Variants in GRID2 observed in about 807,000 individuals in gnomAD.
The protein encoded by GRID2 is glutamate ionotropic receptor delta type subunit 2, also known as glutamate receptor ionotropic, delta-2.
GRID2 carries 33 observed loss-of-function variants against 114.8 expected under a neutral mutation model. The ratio of observed to expected loss-of-function variants is 0.29; its 90% CI spans 0.22 to 0.38. The LOEUF is 0.38. Among genes scored for constraint, GRID2 ranks in the 10% least tolerant of loss-of-function variants. The pLI is 1.00. For synonymous variants in GRID2, 505 were observed against 449.9 expected (o/e 1.12, Z -1.55); for missense variants, 1,184 against 1,257.7 (o/e 0.94, Z 0.89).
chr4:93,557,239 C>A (rs1276014227), intron 13 of GRID2, among the ~76,000 whole-genome samples: 1 of 152,148 alleles, frequency 6.6e-6, no homozygotes, highest in Non-Finnish European at 1.5e-5. Context: ...TCACACATAA[C>A]AATATTAACC....
At chr4:93,163,459 T>G (rs1737950548) in intron 4 of GRID2, among the ~76,000 whole-genome samples, 2 of 146,500 alleles carry the variant, frequency 1.4e-5, no homozygotes, top group African/African-American at 5.0e-5. Flanking sequence ...AGACGAGGTC[T>G]TGCCATCTTG....
At chr4:93,735,707 A>T (rs775973070) in intron 14 of GRID2, among the ~76,000 whole-genome samples, 4 of 152,038 alleles carry the variant, frequency 2.6e-5, no homozygotes, top group Non-Finnish European at 5.9e-5. Flanking sequence ...TCAATAAAAT[A>T]ATGTTTTCTT....
chr4:93,300,180 G>A (rs902100822), intron 8 of GRID2, among the ~76,000 whole-genome samples: 2 of 152,056 alleles, frequency 1.3e-5, no homozygotes, highest in African/African-American at 4.8e-5. Context: ...CCTGGGTTAA[G>A]TGATCATCTC....
chr4:92,589,966 A>C (rs1387434743), intron 1 of GRID2, among the ~76,000 whole-genome samples, 165 bp from the exon 2 acceptor site: 1 of 152,216 alleles, frequency 6.6e-6, no homozygotes, highest in Non-Finnish European at 1.5e-5. Flanking sequence ...ATTCCTTCTC[A>C]GCTATTACAC....
chr4:93,169,733 G>T (rs1406276401), intron 4 of GRID2, among the ~76,000 whole-genome samples: 1 of 152,200 alleles, frequency 6.6e-6, no homozygotes, highest in African/African-American at 2.4e-5. Flanking sequence ...ATAGCTTATT[G>T]TGGCTTGAGC....
At chr4:92,760,819 C>CT (rs1737972777) in intron 2 of GRID2, among the ~76,000 whole-genome samples, 1 of 151,994 alleles carries the variant, frequency 6.6e-6, no homozygotes, top group South Asian at 2.1e-4. Flanking sequence ...GCATGTTGGG[C>CT]TTTATTTGTT....
chr4:92,627,743 C>T (rs1466193778), intron 2 of GRID2, among the ~76,000 whole-genome samples: 2 of 152,098 alleles, frequency 1.3e-5, no homozygotes, highest in Non-Finnish European at 2.9e-5. Flanking sequence ...TGAAATATCA[C>T]CTTGAGCAGC....
At chr4:93,332,826 C>A (rs1352033067) in intron 8 of GRID2, among the ~76,000 whole-genome samples, 1 of 152,058 alleles carries the variant, frequency 6.6e-6, no homozygotes, top group African/African-American at 2.4e-5. Context: ...TAATGAGACG[C>A]CTTTCTTTAT....
At chr4:93,133,510 TTAAC>T (rs763520260) in intron 4 of GRID2, among the ~76,000 whole-genome samples, 5 of 152,352 alleles carry the variant, frequency 3.3e-5, no homozygotes, top group Admixed American at 2.6e-4. Flanking sequence ...AAAGACTTCA[TTAAC>T]TAATCTGTTT....
chr4:93,322,893 G>A (rs1276018553), intron 8 of GRID2, among the ~76,000 whole-genome samples: 1 of 152,072 alleles, frequency 6.6e-6, no homozygotes, highest in Non-Finnish European at 1.5e-5. Flanking sequence ...TAATGGGGTT[G>A]TTTGTTTTTT....
chr4:93,084,461 A>G (rs1268224717), intron 2 of GRID2, among the ~76,000 whole-genome samples: 2 of 152,180 alleles, frequency 1.3e-5, no homozygotes, highest in Non-Finnish European at 2.9e-5. Context: ...GGGCAATGTC[A>G]TCAAGTTTTT....
chr4:92,403,027 A>T (rs1167989711), intron 1 of GRID2, among the ~76,000 whole-genome samples: 1 of 152,136 alleles, frequency 6.6e-6, no homozygotes, highest in African/African-American at 2.4e-5. Context: ...GTAGTTTTTC[A>T]TATGAAGAAG....
intron 5 of GRID2, among the ~76,000 whole-genome samples, chr4:93,212,058 G>T (rs1473516439): frequency 6.9e-6 from 1 of 144,830 alleles, no homozygotes; most frequent in African/African-American, 2.5e-5. Flanking sequence ...TTCTATAAAA[G>T]AAAAAAAAAA....
rs545304250 is a variant in GRID2, at chr4:93,631,825, C to T, written c.2360+5390C>T. On this transcript the variant is annotated intron_variant, in intron 14 of 15. Transcript: ENST00000282020. Reference sequence around the variant, plus strand: ...CACAATGATTGTACTAGTTTACAGTCCCACCAACAGTGTAAAAGTGTTCCT... The same window carrying T: ...CACAATGATTGTACTAGTTTACAGTTCCACCAACAGTGTAAAAGTGTTCCT... 4.6e-5 allele frequency among the ~76,000 whole-genome samples: 7 copies of T among 152,308 alleles called. No homozygotes were observed. In the East Asian group the frequency reaches 1.3e-3, roughly 29 times the overall value.
At chr4:92,355,053 G>A (rs772981111) in intron 1 of GRID2, among the ~76,000 whole-genome samples, 7 of 151,818 alleles carry the variant, frequency 4.6e-5, no homozygotes, top group African/African-American at 7.3e-5. Context: ...CACTCATGGC[G>A]ACTCCTCCTC....
chr4:93,518,060 A>G (rs1481615610), intron 13 of GRID2, among the ~76,000 whole-genome samples: 2 of 125,894 alleles, frequency 1.6e-5, no homozygotes, highest in African/African-American at 3.5e-5. Flanking sequence ...CTATATATGT[A>G]TATAGTATAT....
chr4:93,426,964 T>C (rs1768911191), intron 10 of GRID2, among the ~76,000 whole-genome samples: 1 of 151,886 alleles, frequency 6.6e-6, no homozygotes, highest in East Asian at 1.9e-4. Flanking sequence ...AAAAAAGACT[T>C]AGTTGGAGTA....
chr4:93,107,641 C>T (rs1315416115), intron 3 of GRID2, among the ~76,000 whole-genome samples: 3 of 152,074 alleles, frequency 2.0e-5, no homozygotes, highest in East Asian at 1.9e-4. Flanking sequence ...CAGGTTCAAG[C>T]GATTTTCTTG....
rs571720948 is a variant in GRID2 at position 93,773,817 on chromosome 4, T to A, written c.*1319T>A. ...CAACTCAACTCCCTTTTTTATTTAG[T>A]TCTATTTGGAGGAGTTATGTATTTT... On this transcript the variant is annotated 3_prime_UTR_variant, in exon 16 of 16. Coordinates refer to ENST00000282020, the MANE Select transcript of GRID2 (RefSeq NM_001510.4). 2 of 152,150 alleles carry A rather than the reference T, an allele frequency of 1.3e-5. No individual in the cohort carries two copies. Among genetic ancestry groups the A allele is most frequent in the Non-Finnish European group, 2.9e-5 (2 of 67,994 alleles). The allele number at this position is 152,150 out of a possible 1,614,324, so 9.4% of individuals were successfully genotyped here.
Sources: allele counts gnomAD v4.1 joint callset (sites outside exome capture counted in the v4.1 genomes callset), GRCh38; gene constraint gnomAD v4.1.1; transcripts MANE v1.5; gene names NCBI Gene and HGNC (gene_info 2026-07-23, HGNC 2026-07-21).